Variants in RPH3A observed in about 807,000 individuals in gnomAD.
RPH3A encodes rabphilin-3A.
Under a neutral mutation model 102.2 loss-of-function variants are expected in RPH3A, and 48 were observed. That is an observed-to-expected ratio of 0.47 (90% CI 0.37 to 0.60). The LOEUF (loss-of-function observed/expected upper bound fraction) is 0.60. RPH3A is among the 20% of genes least tolerant of loss of function. The probability of loss-of-function intolerance (pLI) is 0.00; values close to 1 mark genes in which losing one functional copy is unlikely to be tolerated. For synonymous variants in RPH3A, 310 were observed against 324.3 expected, an observed-to-expected ratio of 0.96 and a Z score of 0.47; for missense variants, 781 against 910.1, an observed-to-expected ratio of 0.86 and a Z score of 1.83.
chr12:112,793,169 G>C (rs2041157967), intron 2 of RPH3A, among the ~76,000 whole-genome samples: 1 of 152,186 alleles, frequency 6.6e-6, no homozygotes, highest in Admixed American at 6.5e-5. Flanking sequence ...TAGTGAGTGG[G>C]AAGTGGAAGT....
At chr12:112,716,349 C>G (rs1254439159) in intron 1 of RPH3A, among the ~76,000 whole-genome samples, 1 of 152,184 alleles carries the variant, frequency 6.6e-6, no homozygotes, top group Non-Finnish European at 1.5e-5. Flanking sequence ...CTAAATATTA[C>G]TGAATGACTG....
In RPH3A at chr12:112,602,798, GA is replaced by G. The variant is rs959984112; in HGVS notation, c.-140+27488del. 3.4e-5 allele frequency among the ~76,000 whole-genome samples: 5 copies of G among 148,960 alleles called. No individual in the cohort carries two copies. In the East Asian group the frequency reaches 5.9e-4, roughly 17 times the overall value. The stretch of plus-strand genomic sequence containing the variant: ...CACAATGGGACGCTATTAAAAGAGA[GA>G]AAAAAAAAGAGTAGGAGAAAGAGAG... On this transcript the variant is annotated intron_variant, in intron 1 of 21. Transcript: ENST00000543106.
Position 112,713,051 on chromosome 12 carries a change from C to CTTCTTCTTCTTCTTCTT in RPH3A, c.-139-79092_-139-79091insTTCTTCTTCTTCTTCTT, listed in dbSNP as rs1555204011. ...TTCTTCTTCTTCTTCTTCTTCTTCT[C>CTTCTTCTTCTTCTTCTT]CTTCTTCTTCTTCTTCTTCTTCTTC... On this transcript the variant is annotated intron_variant, in intron 1 of 21. Transcript: ENST00000543106. Among the ~76,000 whole-genome samples the CTTCTTCTTCTTCTTCTT allele has an allele frequency of 6.8e-4, 58 of 85,866 alleles. 7 individuals carry two copies. Among genetic ancestry groups the CTTCTTCTTCTTCTTCTT allele is most frequent in the East Asian group, 6.7e-3 (20 of 2,978 alleles). 56.3% of individuals were successfully genotyped at this position (85,866 alleles called of 152,430 possible).
intron 1 of RPH3A, among the ~76,000 whole-genome samples, chr12:112,650,501 G>A (rs1268549698): frequency 1.3e-5 from 2 of 152,132 alleles, no homozygotes; most frequent in Non-Finnish European, 2.9e-5. Context: ...AGAAATTCTT[G>A]CACAATGAGG....
intron 1 of RPH3A, among the ~76,000 whole-genome samples, chr12:112,747,765 T>A (rs1284248607): frequency 1.3e-5 from 2 of 152,194 alleles, no homozygotes; most frequent in Non-Finnish European, 2.9e-5. Context: ...TCAACAATGA[T>A]CCGAAGGCAT....
intron 1 of RPH3A, among the ~76,000 whole-genome samples, chr12:112,765,665 T>C (rs1416314699): frequency 6.6e-6 from 1 of 152,216 alleles, no homozygotes; most frequent in Non-Finnish European, 1.5e-5. Context: ...ATGTTCAATG[T>C]ACTGCTTCAT....
Position 112,602,650 on chromosome 12 carries a change from G to A in RPH3A, c.-140+27331G>A, listed in dbSNP as rs560688018. Among the ~76,000 whole-genome samples the A allele has an allele frequency of 7.2e-5, 11 of 152,174 alleles. No homozygotes were observed. In the South Asian group the frequency reaches 2.1e-3, roughly 29 times the overall value. Reference sequence around the variant, plus strand: ...ATGAATAGTGTAAAATTAACCAGGCGTGGTGGTGCATGCCTGTAATCCCAG... The same window carrying A: ...ATGAATAGTGTAAAATTAACCAGGCATGGTGGTGCATGCCTGTAATCCCAG... On this transcript the variant is annotated intron_variant, in intron 1 of 21. Transcript: ENST00000543106.
chr12:112,621,589 G>T (rs1035072414), intron 1 of RPH3A, among the ~76,000 whole-genome samples: 4 of 149,890 alleles, frequency 2.7e-5, no homozygotes, highest in Non-Finnish European at 5.9e-5. Flanking sequence ...TGCTAGCACA[G>T]CATTCTGAGA....
intron 1 of RPH3A, among the ~76,000 whole-genome samples, chr12:112,602,629 A>G (rs1161714718): frequency 6.6e-6 from 1 of 152,154 alleles, no homozygotes; most frequent in Non-Finnish European, 1.5e-5. Flanking sequence ...ATTAAAATGA[A>G]TAGTGTAAAA....
intron 1 of RPH3A, among the ~76,000 whole-genome samples, chr12:112,627,464 T>TGTAG (rs1269443247): frequency 2.7e-5 from 4 of 150,622 alleles, no homozygotes; most frequent in Non-Finnish European, 5.9e-5. Context: ...TCATATAATA[T>TGTAG]GTAGGTATAA....
chr12:112,713,102 T>TCTTTCTTCTTTCTTCTTCTTCTTCTTC (rs575141531), intron 1 of RPH3A, among the ~76,000 whole-genome samples: 1 of 135,552 alleles, frequency 7.4e-6, no homozygotes, highest in East Asian at 2.3e-4. Flanking sequence ...TTCTTCTTCT[T>TCTTTCTTCTTTCTTCTTCTTCTTCTTC]TTATTTTTTT....
At chr12:112,704,524 G>A (rs570261171) in intron 1 of RPH3A, among the ~76,000 whole-genome samples, 1 of 152,144 alleles carries the variant, frequency 6.6e-6, no homozygotes, top group African/African-American at 2.4e-5. Flanking sequence ...GGTGGTGTGA[G>A]TGGTTTCCTT....
intron 1 of RPH3A, among the ~76,000 whole-genome samples, chr12:112,760,185 T>C (rs1388564792): frequency 6.6e-6 from 1 of 152,194 alleles, no homozygotes; most frequent in Non-Finnish European, 1.5e-5. Context: ...ACCACCATTT[T>C]TTGTTGTAAT....
chr12:112,875,013 G>A, intron 10 of RPH3A, 71 bp from the exon 11 acceptor site: 2 of 1,353,352 alleles, frequency 1.5e-6, no homozygotes, highest in Non-Finnish European at 1.0e-6. Context: ...CAGCTGAGTG[G>A]TCCCAAGCTC....
intron 1 of RPH3A, among the ~76,000 whole-genome samples, chr12:112,656,126 G>T (rs1328286986): frequency 6.6e-6 from 1 of 152,212 alleles, no homozygotes; most frequent in Non-Finnish European, 1.5e-5. Flanking sequence ...AAATGATGCA[G>T]CCACAAGTCT....
upstream of RPH3A, among the ~76,000 whole-genome samples, chr12:112,789,895 A>G (rs1378413520): frequency 6.6e-6 from 1 of 151,642 alleles, no homozygotes; most frequent in African/African-American, 2.4e-5. Context: ...TGCAAAAAAA[A>G]AAAAAAAAAA....
intron 1 of RPH3A, among the ~76,000 whole-genome samples, chr12:112,763,756 G>T (rs2040870261): frequency 6.6e-6 from 1 of 152,190 alleles, no homozygotes; most frequent in African/African-American, 2.4e-5. Flanking sequence ...AATGAAGCAT[G>T]TCAAACCTGC....
At chr12:112,841,632 C>T (rs1157930469) in intron 4 of RPH3A, among the ~76,000 whole-genome samples, 1 of 152,010 alleles carries the variant, frequency 6.6e-6, no homozygotes, top group Non-Finnish European at 1.5e-5. Flanking sequence ...GAATACTTTC[C>T]CCAAAGTCAC....
chr12:112,660,667 A>C (rs1009094181), intron 1 of RPH3A, among the ~76,000 whole-genome samples: 3 of 152,194 alleles, frequency 2.0e-5, no homozygotes, highest in Non-Finnish European at 2.9e-5. Flanking sequence ...CCTGGGTGAC[A>C]AAGTGAGACC....
Sources: allele counts gnomAD v4.1 joint callset (sites outside exome capture counted in the v4.1 genomes callset), GRCh38; gene constraint gnomAD v4.1.1; transcripts MANE v1.5; gene names NCBI Gene and HGNC (gene_info 2026-07-23, HGNC 2026-07-21).